The following NAV3 variants were observed in gnomAD, a reference collection of about 807,000 sequenced individuals.
The protein encoded by NAV3 is pore membrane and/or filament interacting like protein 1.
In NAV3, 87 loss-of-function variants were observed where a neutral mutation model predicts 244.7. The ratio of observed to expected loss-of-function variants is 0.36; its 90% CI spans 0.30 to 0.42. The LOEUF (loss-of-function observed/expected upper bound fraction) is 0.42, where lower values mean the gene tolerates loss of function less well. NAV3 is among the 20% of genes least tolerant of loss of function. The pLI, the probability that NAV3 is intolerant of heterozygous loss-of-function variation, is 1.00. For missense variants in NAV3, 2,663 were observed against 2,893.3 expected (o/e 0.92, Z 1.83); for synonymous variants, 1,126 against 1,042.2 (o/e 1.08, Z -1.55).
chr12:77,601,976 C>A (rs1171100800), intron 2 of NAV3, among the ~76,000 whole-genome samples: 5 of 151,948 alleles, frequency 3.3e-5, no homozygotes, highest in African/African-American at 1.2e-4. Context: ...ACCAAAGATC[C>A]AATTTAACTG....
At chr12:77,801,997 A>G (rs1212602166) in intron 2 of NAV3, among the ~76,000 whole-genome samples, 1 of 152,210 alleles carries the variant, frequency 6.6e-6, no homozygotes, top group South Asian at 2.1e-4. Flanking sequence ...TATTTGATGA[A>G]TGAACGAATA....
chr12:78,098,641 T>C (rs954228354), intron 12 of NAV3, among the ~76,000 whole-genome samples: 5 of 151,770 alleles, frequency 3.3e-5, no homozygotes, highest in Admixed American at 6.6e-5. Context: ...GACTGAAACA[T>C]TTTTGAATCC....
chr12:77,778,486 C>T (rs1308266968), intron 2 of NAV3, among the ~76,000 whole-genome samples: 1 of 151,536 alleles, frequency 6.6e-6, no homozygotes, highest in East Asian at 2.0e-4. Context: ...GTGGCGGGTG[C>T]CTGTATTCCC....
At chr12:78,125,798 C>G (rs927016969) in intron 16 of NAV3, among the ~76,000 whole-genome samples, 1 of 152,112 alleles carries the variant, frequency 6.6e-6, no homozygotes, top group Non-Finnish European at 1.5e-5. Context: ...ATTATGGTAA[C>G]TTTAAATGTA....
chr12:78,070,019 T>C (rs1952677250), intron 12 of NAV3, among the ~76,000 whole-genome samples: 1 of 152,132 alleles, frequency 6.6e-6, no homozygotes, highest in South Asian at 2.1e-4. Context: ...ACTATGCTTC[T>C]TTATGAAACT....
intron 2 of NAV3, among the ~76,000 whole-genome samples, chr12:77,795,902 G>T (rs999563722): frequency 1.4e-4 from 22 of 152,118 alleles, no homozygotes; most frequent in Admixed American, 1.3e-4. Context: ...GGGACCTACT[G>T]CTTGGAAAGA....
intron 30 of NAV3, among the ~76,000 whole-genome samples, chr12:78,184,148 C>T (rs191633779): frequency 1.7e-4 from 26 of 151,938 alleles, no homozygotes; most frequent in Admixed American, 4.0e-4. Context: ...GAAATACATA[C>T]TCCAAAAAAA....
chr12:77,737,959 T>A (rs1244034950), intron 2 of NAV3, among the ~76,000 whole-genome samples: 2 of 152,186 alleles, frequency 1.3e-5, no homozygotes, highest in Non-Finnish European at 2.9e-5. Context: ...CTGTTCTTGC[T>A]CCTTTCTCTT....
At chr12:77,759,047 T>A (rs1869334293) in intron 2 of NAV3, among the ~76,000 whole-genome samples, 2 of 152,208 alleles carry the variant, frequency 1.3e-5, no homozygotes, top group South Asian at 4.1e-4. Context: ...GTTGCGTTTG[T>A]GGCTAGCAGC....
intron 2 of NAV3, among the ~76,000 whole-genome samples, chr12:77,587,919 ATAATGT>A (rs1220367418): frequency 2.0e-5 from 3 of 152,196 alleles, no homozygotes; most frequent in African/African-American, 7.2e-5. Flanking sequence ...TAACTGCTGG[ATAATGT>A]TAGAGTTGTG....
intron 20 of NAV3, among the ~76,000 whole-genome samples, chr12:78,145,740 A>T (rs922016425): frequency 4.6e-5 from 7 of 152,122 alleles, no homozygotes; most frequent in African/African-American, 1.7e-4. Flanking sequence ...CACTTTTATC[A>T]CTGGGTGTTT....
chr12:77,665,388 C>T (rs931570330), intron 2 of NAV3, among the ~76,000 whole-genome samples: 3 of 152,076 alleles, frequency 2.0e-5, no homozygotes, highest in Non-Finnish European at 4.4e-5. Context: ...TTCCTTTTCT[C>T]TTTCACATGA....
At chr12:78,204,645 G>A (rs1960093411) in intron 38 of NAV3, among the ~76,000 whole-genome samples, 1 of 151,896 alleles carries the variant, frequency 6.6e-6, no homozygotes, top group Admixed American at 6.6e-5. Context: ...ACTAGTAAAT[G>A]TGGGCAGTCA....
intron 5 of NAV3, among the ~76,000 whole-genome samples, chr12:77,994,183 C>T (rs1324910867): frequency 1.6e-4 from 25 of 152,206 alleles, no homozygotes; most frequent in Non-Finnish European, 1.5e-5. Flanking sequence ...TTATGAAGAA[C>T]TTAAGCCCAC....
chr12:77,908,097 A>G (rs1044894731), intron 1 of NAV3, among the ~76,000 whole-genome samples: 2 of 152,106 alleles, frequency 1.3e-5, no homozygotes, highest in Admixed American at 6.6e-5. Flanking sequence ...CATATTTACT[A>G]TATTTTATTA....
chr12:78,197,546 G>T lies in NAV3; in HGVS notation c.6446+145G>T, dbSNP rs1594014477. 9.2e-6 allele frequency: 5 copies of T among 545,254 alleles called. No individual in the cohort carries two copies. The East Asian group carries it at 1.2e-4, about 14-fold the overall frequency. The allele number at this position is 545,254 out of a possible 1,614,324, so 33.8% of individuals were successfully genotyped here. ...ACAGATAAAACTGTACATATTGATT[G>T]TGTACACCATGATGTTTTGAAGTAA... is the stretch of plus-strand genomic sequence containing the variant. On this transcript the variant is annotated intron_variant, in intron 35 of 39. Transcript: ENST00000397909.
chr12:77,844,081 G>T (rs1011997336), intron 1 of NAV3, among the ~76,000 whole-genome samples: 3 of 152,130 alleles, frequency 2.0e-5, no homozygotes, highest in African/African-American at 7.2e-5. Flanking sequence ...GTGCATTTGT[G>T]CTGCTATGAC....
intron 1 of NAV3, among the ~76,000 whole-genome samples, chr12:77,865,741 C>CAT (rs764533158): frequency 5.9e-5 from 9 of 151,618 alleles, no homozygotes; most frequent in Admixed American, 5.3e-4. Context: ...TCTCTCTCTA[C>CAT]ATATATATAT....
intron 2 of NAV3, among the ~76,000 whole-genome samples, chr12:77,658,537 G>T (rs1381601072): frequency 6.6e-6 from 1 of 151,404 alleles, no homozygotes; most frequent in Non-Finnish European, 1.5e-5. Flanking sequence ...TACTGCCCAA[G>T]GTAATGTATA....
Sources: gnomAD v4.1 joint callset for allele counts (sites outside exome capture counted in the v4.1 genomes callset) on GRCh38, gnomAD v4.1.1 for gene constraint, MANE v1.5 for transcripts, NCBI Gene and HGNC (gene_info 2026-07-23, HGNC 2026-07-21) for gene names.